IPCEF1: variants seen among roughly 807,000 people sequenced by gnomAD.
IPCEF1 encodes the protein interactor protein for cytohesin exchange factors 1.
IPCEF1 carries 31 observed loss-of-function variants against 50.9 expected under a neutral mutation model. That is an observed-to-expected ratio of 0.61 (90% CI 0.46 to 0.82). IPCEF1 has a LOEUF of 0.82. Among genes scored for constraint, IPCEF1 ranks in the 40% least tolerant of loss-of-function variants. The pLI, the probability that IPCEF1 is intolerant of heterozygous loss-of-function variation, is 0.00. For missense variants in IPCEF1, 458 were observed against 514.0 expected, an observed-to-expected ratio of 0.89 and a Z score of 1.05; for synonymous variants, 181 against 192.0, an observed-to-expected ratio of 0.94 and a Z score of 0.47.
intron 9 of IPCEF1, among the ~76,000 whole-genome samples, chr6:154,207,024 T>A (rs1348905739): frequency 3.3e-5 from 5 of 152,192 alleles, no homozygotes; most frequent in African/African-American, 7.2e-5. Flanking sequence ...CAGAACCGCA[T>A]CTTAGGAAGA....
chr6:154,289,847 A>C (rs1288488651), intron 1 of IPCEF1, 91 bp from the exon 2 acceptor site: 1 of 152,092 alleles, frequency 6.6e-6, no homozygotes, highest in Non-Finnish European at 1.5e-5. Flanking sequence ...CTGGGTTAAA[A>C]TCAGAATCCC....
chr6:154,284,391 G>A lies in IPCEF1; in HGVS notation c.-18+5322C>T, dbSNP rs190021479. 2.4e-3 allele frequency among the ~76,000 whole-genome samples: 368 copies of A among 152,314 alleles called. 1 individual carries two copies. The highest frequency in any genetic ancestry group is 8.0e-3 in the African/African-American group (333 of 41,560). ...TACCATCAGACAAGAAATTGTTAGT[G>A]TACTCTATGTCTAGTTCTCCTCTTC... On this transcript the variant is annotated intron_variant, in intron 2 of 11. Coordinates refer to ENST00000367220, the MANE Select transcript of IPCEF1 (RefSeq NM_001130700.2).
At chr6:154,295,130 G>A (rs991163620) in intron 1 of IPCEF1, among the ~76,000 whole-genome samples, 12 of 151,986 alleles carry the variant, frequency 7.9e-5, no homozygotes, top group East Asian at 1.9e-4. Context: ...ACCAGGAGGC[G>A]GGGATTGCAG....
At chr6:154,231,728 A>G (rs77901582) in intron 5 of IPCEF1, among the ~76,000 whole-genome samples, 1,680 of 152,336 alleles carry the variant, frequency 0.011, 31 homozygotes, top group African/African-American at 0.039. Context: ...AACAAATAGA[A>G]AAGGGGGAAG....
chr6:154,192,324 G>GTT (rs375048864), intron 10 of IPCEF1, among the ~76,000 whole-genome samples: 10 of 125,346 alleles, frequency 8.0e-5, no homozygotes, highest in African/African-American at 1.9e-4. Context: ...GTTACTGTGT[G>GTT]TGTGTGTGTG....
At chr6:154,210,638 TA>T (rs1286822498) in intron 9 of IPCEF1, among the ~76,000 whole-genome samples, 2 of 151,898 alleles carry the variant, frequency 1.3e-5, no homozygotes, top group African/African-American at 4.8e-5. Context: ...ATAAAGAAAA[TA>T]AAAGCTTTTT....
intron 3 of IPCEF1, among the ~76,000 whole-genome samples, chr6:154,264,151 C>T (rs893350539): frequency 2.6e-5 from 4 of 152,004 alleles, no homozygotes; most frequent in African/African-American, 9.7e-5. Flanking sequence ...TCAAAAAACA[C>T]CCACCCATCC....
chr6:154,335,140 C>T (rs1031026400), intron 1 of IPCEF1, among the ~76,000 whole-genome samples: 1 of 152,012 alleles, frequency 6.6e-6, no homozygotes, highest in African/African-American at 2.4e-5. Flanking sequence ...TAGTGAGACC[C>T]TGTCTCTACA....
intron 1 of IPCEF1, among the ~76,000 whole-genome samples, chr6:154,298,297 G>A (rs982434981): frequency 2.6e-5 from 4 of 152,224 alleles, no homozygotes; most frequent in East Asian, 1.9e-4. Flanking sequence ...TTGAGAACAC[G>A]TCACAAAATA....
At chr6:154,315,946 G>T (rs927111473) in intron 1 of IPCEF1, among the ~76,000 whole-genome samples, 10 of 152,104 alleles carry the variant, frequency 6.6e-5, no homozygotes, top group Non-Finnish European at 1.5e-5. Flanking sequence ...TGCAATCTCC[G>T]CCTCCCAGGT....
chr6:154,249,307 A>G (rs1781280256), intron 3 of IPCEF1, among the ~76,000 whole-genome samples: 2 of 152,190 alleles, frequency 1.3e-5, no homozygotes, highest in Non-Finnish European at 2.9e-5. Flanking sequence ...TGAGATCAGT[A>G]AAACCCAACT....
At chr6:154,329,599 G>GA (rs1302083197) in intron 1 of IPCEF1, among the ~76,000 whole-genome samples, 11 of 93,206 alleles carry the variant, frequency 1.2e-4, no homozygotes, top group Middle Eastern at 5.3e-3. Context: ...GCAAGAAAAA[G>GA]AAAAAAAAAG....
At chr6:154,281,793 A>G (rs1006433452) in intron 2 of IPCEF1, among the ~76,000 whole-genome samples, 10 of 152,130 alleles carry the variant, frequency 6.6e-5, no homozygotes, top group Non-Finnish European at 1.5e-4. Context: ...ACCTGAGGTT[A>G]GGAGTTCGAG....
chr6:154,205,613 A>C (rs1247020798), intron 9 of IPCEF1, among the ~76,000 whole-genome samples: 3 of 152,146 alleles, frequency 2.0e-5, no homozygotes. Context: ...AAACATACAC[A>C]CACAAAGAAA....
At chr6:154,204,654 T>A (rs1259718205) in intron 9 of IPCEF1, among the ~76,000 whole-genome samples, 4 of 152,192 alleles carry the variant, frequency 2.6e-5, no homozygotes, top group African/African-American at 9.7e-5. Context: ...TTAGTATCCA[T>A]GTGACCTTGA....
intron 1 of IPCEF1, among the ~76,000 whole-genome samples, chr6:154,308,309 T>C (rs1476639718): frequency 9.2e-5 from 14 of 152,140 alleles, no homozygotes; most frequent in Non-Finnish European, 1.5e-5. Context: ...AGAGATGTTT[T>C]GTTTTTTTTC....
At chr6:154,202,339 C>T (rs776205625) in intron 9 of IPCEF1, among the ~76,000 whole-genome samples, 1 of 152,088 alleles carries the variant, frequency 6.6e-6, no homozygotes. Flanking sequence ...GATCAAAGAC[C>T]TATAATTTCA....
At chr6:154,247,399 C>T in intron 4 of IPCEF1, 50 bp downstream of exon 4, 1 of 1,484,230 alleles carries the variant, frequency 6.7e-7, no homozygotes, top group Non-Finnish European at 9.4e-7. Flanking sequence ...AGAAAAGCCA[C>T]ACTCAACGTA....
At chr6:154,325,007 A>G (rs1430066179) in intron 1 of IPCEF1, among the ~76,000 whole-genome samples, 1 of 152,224 alleles carries the variant, frequency 6.6e-6, no homozygotes, top group Non-Finnish European at 1.5e-5. Context: ...ACCTCTTACA[A>G]ATCAATTATA....
Sources: allele counts gnomAD v4.1 joint callset (sites outside exome capture counted in the v4.1 genomes callset), GRCh38; gene constraint gnomAD v4.1.1; transcripts MANE v1.5; gene names NCBI Gene and HGNC (gene_info 2026-07-23, HGNC 2026-07-21).